The following FCAR variants were observed in gnomAD, a reference collection of about 807,000 sequenced individuals.
FCAR encodes the protein Fc alpha receptor.
A neutral mutation model predicts 27.1 loss-of-function variants in FCAR; 21 were observed. That is an observed-to-expected ratio of 0.77 (90% confidence interval 0.55 to 1.11). FCAR has a LOEUF of 1.11. Among genes scored for constraint, FCAR ranks in the 50% most tolerant of loss-of-function variants. The pLI is 0.00. For synonymous variants in FCAR, 134 were observed against 135.8 expected, an observed-to-expected ratio of 0.99 and a Z score of 0.09; for missense variants, 404 against 358.4, an observed-to-expected ratio of 1.13 and a Z score of -1.03.
chr19:54,874,356 AAG>A (rs1296215903), intron 1 of FCAR, 33 bp downstream of exon 1: 1 of 1,608,888 alleles, frequency 6.2e-7, no homozygotes, highest in African/African-American at 1.3e-5. Context: ...GTTAGAGGGG[AAG>A]ATAGAGAAAT....
rs199612173 is a variant in FCAR, at chr19:54,884,466, T to C, written c.71-769T>C. 6.3e-4 allele frequency among the ~76,000 whole-genome samples: 96 copies of C among 152,126 alleles called. No homozygotes were observed. The East Asian group carries it at 9.3e-3, about 15-fold the overall frequency. ...GGCCAACATGGTGAAACCCCGTTTC[T>C]ACTAAAAATACAAAAATTATCCAGG... On this transcript the variant is annotated intron_variant, in intron 2 of 4. Transcript: ENST00000355524.
At chr19:54,881,751 A>G (rs1340724827) in intron 2 of FCAR, among the ~76,000 whole-genome samples, 1 of 152,154 alleles carries the variant, frequency 6.6e-6, no homozygotes, top group African/African-American at 2.4e-5. Context: ...GGGCGCCTGT[A>G]GTCCCAGCTA....
At chr19:54,883,800 A>G (rs1490692333) in intron 2 of FCAR, among the ~76,000 whole-genome samples, 3 of 151,804 alleles carry the variant, frequency 2.0e-5, no homozygotes, top group Non-Finnish European at 4.4e-5. Context: ...TAAAAATACA[A>G]AAAAAAATTA....
chr19:54,881,740 C>T (rs911567673), intron 2 of FCAR, among the ~76,000 whole-genome samples: 13 of 152,138 alleles, frequency 8.5e-5, no homozygotes, highest in African/African-American at 2.2e-4. Context: ...GGCGTGGTGG[C>T]GGGCGCCTGT....
chr19:54,887,127 T>C (rs587660103), intron 3 of FCAR, among the ~76,000 whole-genome samples: 1 of 151,538 alleles, frequency 6.6e-6, no homozygotes, highest in African/African-American at 2.4e-5. Flanking sequence ...CTGGGCAACA[T>C]AGTAAGACCC....
intron 4 of FCAR, chr19:54,888,505 C>A: frequency 7.1e-7 from 1 of 1,408,682 alleles, no homozygotes; most frequent in Non-Finnish European, 9.2e-7. Flanking sequence ...AAAACTTAGT[C>A]TGTGGAGAAC....
chr19:54,888,016 G>C lies in FCAR; in HGVS notation c.371G>C (p.Gly124Ala), dbSNP rs371148578. 1 of 1,611,862 alleles carries C rather than the reference G, an allele frequency of 6.2e-7. No individual in the cohort carries two copies. Among genetic ancestry groups the C allele is most frequent in the East Asian group, 2.2e-5 (1 of 44,828 alleles). ...CTCTTTTCTCTCTTAGGCTTGTATG[G>C]CAAACCCTTCCTCTCTGCAGATCGG... ...TLELVVTGLYGKPFLSADRGL... is the reference protein window; with the variant it reads ...TLELVVTGLYAKPFLSADRGL... The change falls in exon 4 of 5, where the codon GGC becomes GCC. Residue 124 changes from glycine to alanine, a missense_variant. By Grantham distance (60) the Gly-to-Ala change is moderately conservative. Transcript: ENST00000355524.
intron 2 of FCAR, among the ~76,000 whole-genome samples, chr19:54,879,382 T>A (rs1035268303): frequency 6.6e-6 from 1 of 152,194 alleles, no homozygotes; most frequent in East Asian, 1.9e-4. Flanking sequence ...TGGCTGGTGA[T>A]GGTCTTTTCT....
intron 3 of FCAR, 70 bp downstream of exon 3, chr19:54,885,595 G>C (rs1476901392): frequency 8.1e-7 from 1 of 1,236,870 alleles, no homozygotes; most frequent in African/African-American, 1.5e-5. Context: ...TATTTTTCAA[G>C]AAGTTTTAGA....
rs1465433587 is a variant in FCAR at position 54,888,175 on chromosome 19, A to C, written c.530A>C (p.Asn177Thr). 1 of 1,614,152 alleles carries C rather than the reference A, an allele frequency of 6.2e-7. No individual in the cohort carries two copies. The highest frequency in any genetic ancestry group is 8.5e-7 in the Non-Finnish European group (1 of 1,180,024). Residue 177 changes from asparagine (N) to threonine (T), a missense_variant, in exon 4 of 5, where the codon AAC becomes ACC. Transcript: ENST00000355524. The stretch of plus-strand genomic sequence containing the variant: ...CACCAAAGTGGGGAACACCCGGCCA[A>C]CTTCTCTTTGGGTCCTGTGGACCTC... ...PQHQSGEHPA[N>T]FSLGPVDLNV...
intron 2 of FCAR, among the ~76,000 whole-genome samples, chr19:54,882,715 A>G (rs972731789): frequency 6.6e-6 from 1 of 152,062 alleles, no homozygotes; most frequent in Non-Finnish European, 1.5e-5. Context: ...CTGGGATTAC[A>G]GGTGTGAGCC....
chr19:54,883,662 G>C (rs2066541558), intron 2 of FCAR, among the ~76,000 whole-genome samples: 1 of 152,074 alleles, frequency 6.6e-6, no homozygotes, highest in South Asian at 2.1e-4. Context: ...CTTCCCAGGG[G>C]AACACAGAGC....
At chr19:54,876,601 T>G (rs1391132724) in intron 2 of FCAR, among the ~76,000 whole-genome samples, 1 of 152,154 alleles carries the variant, frequency 6.6e-6, no homozygotes, top group Non-Finnish European at 1.5e-5. Context: ...GGTTGTTCTA[T>G]TTATGTGATG....
At chr19:54,878,646 A>G (rs1374807877) in intron 2 of FCAR, among the ~76,000 whole-genome samples, 3 of 150,274 alleles carry the variant, frequency 2.0e-5, no homozygotes, top group Non-Finnish European at 4.4e-5. Flanking sequence ...TATGGTCTTC[A>G]TGTTGAATTG....
intron 2 of FCAR, among the ~76,000 whole-genome samples, chr19:54,879,611 T>G (rs2066294503): frequency 6.6e-6 from 1 of 152,296 alleles, no homozygotes; most frequent in Middle Eastern, 3.4e-3. Flanking sequence ...CTGAAAGGTC[T>G]GCTGTTAGCT....
intron 2 of FCAR, among the ~76,000 whole-genome samples, chr19:54,883,177 T>C (rs2066517527): frequency 1.3e-5 from 2 of 151,170 alleles, no homozygotes; most frequent in Non-Finnish European, 2.9e-5. Context: ...AGAAAATTTT[T>C]GTAATTTTTT....
intron 2 of FCAR, 39 bp downstream of exon 2, chr19:54,875,404 C>G (rs762022307): frequency 1.9e-6 from 3 of 1,546,188 alleles, no homozygotes; most frequent in Non-Finnish European, 2.7e-6. Flanking sequence ...CCTTTAGACC[C>G]TCTTGGGAGC....
chr19:54,874,839 C>G (rs2066000690), intron 1 of FCAR, among the ~76,000 whole-genome samples: 1 of 152,060 alleles, frequency 6.6e-6, no homozygotes, highest in Non-Finnish European at 1.5e-5. Context: ...GGAGTCCCTC[C>G]TCCAGGATTT....
intron 2 of FCAR, among the ~76,000 whole-genome samples, chr19:54,884,684 G>A (rs979985541): frequency 4.0e-5 from 6 of 150,402 alleles, no homozygotes; most frequent in African/African-American, 1.5e-4. Flanking sequence ...CTACTAGATG[G>A]GGGGGAAGAA....
Sources: allele counts gnomAD v4.1 joint callset (sites outside exome capture counted in the v4.1 genomes callset), GRCh38; gene constraint gnomAD v4.1.1; transcripts MANE v1.5; gene names NCBI Gene and HGNC (gene_info 2026-07-23, HGNC 2026-07-21).